Variants in LEF1 observed in about 807,000 individuals in gnomAD.
LEF1 encodes the protein lymphoid enhancer binding factor 1, also known as lymphoid enhancer-binding factor 1.
LEF1 carries 14 observed loss-of-function variants against 51.2 expected under a neutral mutation model. The ratio of observed to expected loss-of-function variants is 0.27; its 90% CI spans 0.18 to 0.43. The LOEUF (loss-of-function observed/expected upper bound fraction) is 0.43. LEF1 is among the 20% of genes least tolerant of loss of function. The pLI, the probability that LEF1 is intolerant of heterozygous loss-of-function variation, is 1.00. For missense variants in LEF1, 386 were observed against 512.0 expected, an observed-to-expected ratio of 0.75 and a Z score of 2.37; for synonymous variants, 185 against 183.2, an observed-to-expected ratio of 1.01 and a Z score of -0.08.
intron 3 of LEF1, among the ~76,000 whole-genome samples, chr4:108,138,506 T>TATACACAC (rs1743439127): frequency 1.3e-5 from 2 of 150,378 alleles, no homozygotes; most frequent in South Asian, 2.1e-4. Context: ...TGTGTGTGTA[T>TATACACAC]ACACACACAC....
chr4:108,147,169 T>G (rs1744048166), intron 3 of LEF1, among the ~76,000 whole-genome samples: 1 of 152,024 alleles, frequency 6.6e-6, no homozygotes, highest in African/African-American at 2.4e-5. Context: ...TAGGGACTAG[T>G]CTGTTCAGGG....
At chr4:108,118,887 A>G (rs1408468986) in intron 3 of LEF1, among the ~76,000 whole-genome samples, 4 of 151,962 alleles carry the variant, frequency 2.6e-5, no homozygotes, top group Non-Finnish European at 5.9e-5. Context: ...GTTACGGTCT[A>G]ATCTATTCTT....
chr4:108,131,684 A>T (rs1742908050), intron 3 of LEF1, among the ~76,000 whole-genome samples: 1 of 152,202 alleles, frequency 6.6e-6, no homozygotes, highest in South Asian at 2.1e-4. Context: ...CTTCTATGAG[A>T]CATGGGCTCT....
chr4:108,167,792 C>T lies in LEF1; in HGVS notation c.-25G>A, dbSNP rs917425794. The stretch of plus-strand genomic sequence containing the variant: ...TCCCGGCGGCTCTGTAATCTCCGCT[C>T]CGCTGTGGGAGCACCCGCGCAACAG... On this transcript the variant is annotated 5_prime_UTR_variant, in exon 1 of 12. Coordinates refer to ENST00000265165, the MANE Select transcript of LEF1 (RefSeq NM_016269.5). This position sits in a 1 kb window ranked among gnomAD's most constrained non-coding sequence, Gnocchi z 5.7. 15 of 1,602,368 alleles carry T rather than the reference C, an allele frequency of 9.4e-6. No individual in the cohort carries two copies. Among genetic ancestry groups the T allele is most frequent in the Non-Finnish European group, 1.3e-5 (15 of 1,175,156 alleles).
At chr4:108,085,768 T>A (rs1739604944) in intron 4 of LEF1, among the ~76,000 whole-genome samples, 1 of 152,228 alleles carries the variant, frequency 6.6e-6, no homozygotes, top group Non-Finnish European at 1.5e-5. Flanking sequence ...AACTTACAGC[T>A]CTGAGAAATC....
At chr4:108,157,094 C>T (rs1212584726) in intron 3 of LEF1, among the ~76,000 whole-genome samples, 2 of 150,466 alleles carry the variant, frequency 1.3e-5, no homozygotes, top group African/African-American at 4.9e-5. Context: ...GAAAATTAAG[C>T]TACCCTAGAA....
chr4:108,152,179 C>T (rs1276362512), intron 3 of LEF1, among the ~76,000 whole-genome samples: 1 of 152,146 alleles, frequency 6.6e-6, no homozygotes, highest in Non-Finnish European at 1.5e-5. Context: ...GCAGCACTTA[C>T]CCCAGACCTT....
intron 3 of LEF1, among the ~76,000 whole-genome samples, chr4:108,114,387 G>C (rs897361033): frequency 4.6e-5 from 7 of 152,130 alleles, no homozygotes; most frequent in African/African-American, 1.7e-4. Context: ...TGATGATAAT[G>C]ATCATCATCA....
intron 11 of LEF1, among the ~76,000 whole-genome samples, chr4:108,055,618 C>A (rs1353124665): frequency 6.6e-6 from 1 of 152,158 alleles, no homozygotes; most frequent in Admixed American, 6.5e-5. Context: ...ATTCTATATT[C>A]TAGTGCATTG....
intron 3 of LEF1, among the ~76,000 whole-genome samples, chr4:108,161,256 T>TA (rs201831392): frequency 6.7e-6 from 1 of 150,144 alleles, no homozygotes; most frequent in Non-Finnish European, 1.5e-5. Context: ...GGTTGGACCC[T>TA]AAAAAAAAAA....
chr4:108,166,210 G>A (rs1254254222), intron 1 of LEF1: 1 of 1,504,288 alleles, frequency 6.6e-7, no homozygotes, highest in African/African-American at 1.4e-5. Context: ...GGATTCAACG[G>A]GTAAAGAACA....
At chr4:108,103,813 G>C (rs879621349) in intron 3 of LEF1, among the ~76,000 whole-genome samples, 2 of 152,110 alleles carry the variant, frequency 1.3e-5, no homozygotes, top group African/African-American at 4.8e-5. Context: ...AAAATTCTAA[G>C]TAGTTGATGT....
At chr4:108,089,032 T>G in intron 4 of LEF1, 93 bp downstream of exon 4, 3 of 1,376,372 alleles carry the variant, frequency 2.2e-6, no homozygotes, top group Non-Finnish European at 2.1e-6. Flanking sequence ...CCCAGTGACA[T>G]GGAGCACTGG....
intron 3 of LEF1, among the ~76,000 whole-genome samples, chr4:108,134,166 C>CAA (rs11369216): frequency 0.067 from 9,834 of 146,780 alleles, 391 homozygotes; most frequent in Non-Finnish European, 0.087. Context: ...CCAAATTTAC[C>CAA]AAAAAAAAAA....
At chr4:108,122,559 C>A (rs1578368855) in intron 3 of LEF1, among the ~76,000 whole-genome samples, 1 of 152,270 alleles carries the variant, frequency 6.6e-6, no homozygotes, top group East Asian at 1.9e-4. Context: ...CTCACTGCAG[C>A]CTCGACCTCT....
chr4:108,081,916 C>T (rs1314600059), intron 5 of LEF1, among the ~76,000 whole-genome samples: 1 of 152,170 alleles, frequency 6.6e-6, no homozygotes, highest in Admixed American at 6.6e-5. Context: ...AATTACATCT[C>T]TTTTATCCCA....
In LEF1 at chr4:108,070,559, T is replaced by C. The variant is rs1440593917; in HGVS notation, c.1116+104A>G. Reference sequence around the variant, plus strand: ...ACAAAGTTCATTAACTTCCAAAAAATAAGTAGTACCAGCATTATATACACC... The same window carrying C: ...ACAAAGTTCATTAACTTCCAAAAAACAAGTAGTACCAGCATTATATACACC... On this transcript the variant is annotated intron_variant, in intron 9 of 11. Coordinates refer to ENST00000265165, the MANE Select transcript of LEF1 (RefSeq NM_016269.5). 6.4e-6 allele frequency: 4 copies of C among 627,154 alleles called. No homozygotes were observed. The East Asian group carries it at 1.1e-4, about 17-fold the overall frequency. 38.8% of individuals were successfully genotyped at this position (627,154 alleles called of 1,614,324 possible).
chr4:108,108,744 T>C (rs1000591260), intron 3 of LEF1, among the ~76,000 whole-genome samples: 1 of 152,140 alleles, frequency 6.6e-6, no homozygotes, highest in Non-Finnish European at 1.5e-5. Context: ...ATGCACTGCG[T>C]TAGGATTAGC....
intron 11 of LEF1, among the ~76,000 whole-genome samples, chr4:108,060,210 T>G (rs992274106): frequency 6.6e-6 from 1 of 152,144 alleles, no homozygotes; most frequent in African/African-American, 2.4e-5. Context: ...ATCCCCATCA[T>G]GTATAAGCCA....
Sources: allele counts gnomAD v4.1 joint callset (sites outside exome capture counted in the v4.1 genomes callset), GRCh38; gene constraint gnomAD v4.1.1; non-coding constraint Gnocchi (gnomAD v3.1); transcripts MANE v1.5; gene names NCBI Gene and HGNC (gene_info 2026-07-23, HGNC 2026-07-21).